ERCC4: variants seen among roughly 807,000 people sequenced by gnomAD.
ERCC4 encodes DNA repair endonuclease XPF.
A neutral mutation model predicts 76.9 loss-of-function variants in ERCC4; 65 were observed. The observed-to-expected ratio is 0.84, with a 90% CI of 0.69 to 1.04. The LOEUF (loss-of-function observed/expected upper bound fraction) is 1.04. Among genes scored for constraint, ERCC4 ranks in the 50% least tolerant of loss-of-function variants. The pLI is 0.00. For missense variants in ERCC4, 1,214 were observed against 1,128.2 expected (o/e 1.08, Z -1.09); for synonymous variants, 463 against 410.1 (o/e 1.13, Z -1.56).
intron 9 of ERCC4, among the ~76,000 whole-genome samples, chr16:13,939,796 A>G (rs1447798337): frequency 6.6e-6 from 1 of 152,166 alleles, no homozygotes; most frequent in Non-Finnish European, 1.5e-5. Context: ...GGAGGAAAGA[A>G]GACAGATTTG....
At chr16:13,925,925 G>C (rs2032063812) in intron 2 of ERCC4, among the ~76,000 whole-genome samples, 1 of 152,092 alleles carries the variant, frequency 6.6e-6, no homozygotes, top group African/African-American at 2.4e-5. Context: ...ATGCTGAGGT[G>C]TTATAATCAT....
intron 8 of ERCC4, among the ~76,000 whole-genome samples, 155 bp downstream of exon 8, chr16:13,935,898 G>A (rs2032282472): frequency 6.6e-6 from 1 of 152,142 alleles, no homozygotes; most frequent in Non-Finnish European, 1.5e-5. Flanking sequence ...CTGGGAAGTT[G>A]GATAGGAAGG....
rs1455912752 is a variant in ERCC4 at position 13,948,800 on chromosome 16, T to C, written c.*453T>C. On this transcript the variant is annotated 3_prime_UTR_variant, in exon 11 of 11. Transcript: ENST00000311895. ...CATAAATAACAGTCTTAATTGCACTTATACCCATGTCCTGTGGCTCTCCAA... is the reference window on the plus strand; with the variant it reads ...CATAAATAACAGTCTTAATTGCACTCATACCCATGTCCTGTGGCTCTCCAA... The C allele has an allele frequency of 1.3e-5, 3 of 233,420 alleles. No individual in the cohort carries two copies. In the East Asian group the frequency reaches 1.8e-4, roughly 14 times the overall value. 14.5% of individuals were successfully genotyped at this position (233,420 alleles called of 1,614,324 possible).
rs2020959 is a variant in ERCC4 at position 13,947,765 on chromosome 16, C to A, written c.2169C>A (p.Cys723Ter). ...ATTACATCCTCACTCCAGAAATGTG[C>A]GTGGAGCGCAAGAGTATCAGTGATT... ...VGDYILTPEM[C>*]VERKSISDLI... is the part of the protein sequence containing the mutation. The change falls in exon 11 of 11, where the codon TGC (cysteine) becomes TGA (stop). Residue 723 changes from cysteine (C) to a stop codon, truncating the protein, a stop_gained. Coordinates refer to ENST00000311895, the MANE Select transcript of ERCC4 (RefSeq NM_005236.3). LOFTEE classifies it high-confidence loss of function. 3.1e-6 allele frequency: 5 copies of A among 1,614,102 alleles called. No individual in the cohort carries two copies. In the East Asian group the frequency reaches 1.1e-4, roughly 36 times the overall value.
At chr16:13,923,434 C>T (rs2032015899) in intron 2 of ERCC4, among the ~76,000 whole-genome samples, 2 of 152,134 alleles carry the variant, frequency 1.3e-5, no homozygotes, top group Admixed American at 1.3e-4. Context: ...CTTATTCCCA[C>T]TGTATCTGTC....
chr16:13,926,812 A>C, intron 3 of ERCC4, 56 bp downstream of exon 3: 2 of 1,354,438 alleles, frequency 1.5e-6, no homozygotes, highest in Non-Finnish European at 2.1e-6. Flanking sequence ...TTTGTTTGTG[A>C]GATCTACTGT....
At position 13,952,237 on chromosome 16, in the gene ERCC4, T is replaced by C; in HGVS notation, c.*3890T>C. 5.3e-6 allele frequency: 1 copy of C among 187,620 alleles called. No homozygotes were observed. 11.6% of individuals were successfully genotyped at this position (187,620 alleles called of 1,614,324 possible). A position where few individuals can be genotyped will look rare whatever the true frequency, so the allele number is the denominator to read the frequency against. ...TGGGCAAAGTAAAAATAACAATGCA[T>C]AGTGAAAGGGCATATATTACCAGCA... On this transcript the variant is annotated 3_prime_UTR_variant, in exon 11 of 11. Transcript: ENST00000311895.
chr16:13,934,715 C>T, intron 7 of ERCC4: 1 of 235,358 alleles, frequency 4.2e-6, no homozygotes, highest in Non-Finnish European at 8.3e-6. Flanking sequence ...AAAAAAGCCT[C>T]AACTCTTCTA....
intron 9 of ERCC4, among the ~76,000 whole-genome samples, chr16:13,940,166 C>T (rs2032385337): frequency 6.6e-6 from 1 of 152,106 alleles, no homozygotes; most frequent in South Asian, 2.1e-4. Context: ...GCGGGCAGAT[C>T]ACTTGAAGTC....
rs892848411 is a variant in ERCC4, at chr16:13,948,540, G to T, written c.*193G>T. The T allele has an allele frequency of 7.7e-6, 5 of 645,866 alleles. No individual in the cohort carries two copies. Among genetic ancestry groups the T allele is most frequent in the African/African-American group, 7.3e-5 (4 of 54,708 alleles). 40.0% of individuals were successfully genotyped at this position (645,866 alleles called of 1,614,324 possible). ...GCATCACTTGAACTTGCCTGTGCCT[G>T]CTCTTTTTCCTCCCTGCACCGTCTA... On this transcript the variant is annotated 3_prime_UTR_variant, in exon 11 of 11. Coordinates refer to ENST00000311895, the MANE Select transcript of ERCC4 (RefSeq NM_005236.3).
chr16:13,926,592 C>T lies in ERCC4; in HGVS notation c.420C>T (p.Ile140=), dbSNP rs138724289. The change falls in exon 3 of 11, where the codon ATC becomes ATT. Residue 140 remains isoleucine, a synonymous_variant. Transcript: ENST00000311895. The part of the protein sequence containing the change: ...GILVYRAHRI[I]ESCQEAFILR... ...TGGTGTATAGAGCCCACAGAATAAT[C>T]GAGTCTTGTCAAGAAGCATTCATCT... is the stretch of plus-strand genomic sequence containing the variant. 6.2e-7 allele frequency: 1 copy of T among 1,614,056 alleles called. No individual in the cohort carries two copies.
intron 5 of ERCC4, chr16:13,931,508 A>G (rs2032171420): frequency 6.4e-6 from 1 of 156,600 alleles, no homozygotes; most frequent in East Asian, 1.9e-4. Context: ...ACTGAATGCC[A>G]GTACACTTTC....
chr16:13,921,508 T>TA (rs2031976090), intron 1 of ERCC4, among the ~76,000 whole-genome samples: 1 of 152,138 alleles, frequency 6.6e-6, no homozygotes, highest in Admixed American at 6.5e-5. Context: ...GTGCTTGGCA[T>TA]AGGGCCTAAG....
intron 9 of ERCC4, among the ~76,000 whole-genome samples, chr16:13,939,019 A>G (rs3136172): frequency 0.25 from 37,846 of 152,056 alleles, 4,966 homozygotes; most frequent in Middle Eastern, 0.34. Flanking sequence ...TCATACAAGT[A>G]TTGCTCAGTC....
At chr16:13,933,094 G>T (rs3136130) in intron 6 of ERCC4, 122,113 of 377,386 alleles carry the variant, frequency 0.32, 21,664 homozygotes, top group African/African-American at 0.51. Flanking sequence ...GTAGCCTGGC[G>T]AGGTGATGTG....
At position 13,920,378 on chromosome 16, in the gene ERCC4, G is replaced by A; in HGVS notation, c.207+6G>A. 6.4e-7 allele frequency: 1 copy of A among 1,561,510 alleles called. No homozygotes were observed. On this transcript the variant is annotated splice_donor_region_variant and intron_variant, in intron 1 of 10. Transcript: ENST00000311895. ...ACACGCAGCCGGCCGAGGAGGTGCG[G>A]CCGCGCTGGCGCGGGAGTGAGGGGA...
At position 13,935,576 on chromosome 16, in the gene ERCC4, A is replaced by G. The variant is rs1431588504; in HGVS notation, c.1644A>G (p.Lys548=). The part of the protein sequence containing the change: ...LSSDAAFGIL[K]EPLTIIHPLL... ...CGGATGCTGCTTTCGGAATCCTGAA[A>G]GAACCCCTCACTATCATCCATCCGC... Residue 548 remains lysine (K), a synonymous_variant, in exon 8 of 11, where the codon AAA becomes AAG. Coordinates refer to ENST00000311895, the MANE Select transcript of ERCC4 (RefSeq NM_005236.3). 1 of 1,614,218 alleles carries G rather than the reference A, an allele frequency of 6.2e-7. No homozygotes were observed. Among genetic ancestry groups the G allele is most frequent in the Admixed American group, 1.7e-5 (1 of 60,026 alleles).
chr16:13,935,100 A>T (rs2032256277), intron 7 of ERCC4, 46 bp from the exon 8 acceptor site: 8 of 1,399,704 alleles, frequency 5.7e-6, no homozygotes, highest in Non-Finnish European at 8.1e-6. Context: ...GGAAACTAGG[A>T]GGACAAGTGA....
intron 2 of ERCC4, 140 bp downstream of exon 2, chr16:13,922,351 G>T: frequency 1.3e-6 from 1 of 775,122 alleles, no homozygotes; most frequent in Non-Finnish European, 2.3e-6. Flanking sequence ...CTTTGGTAGG[G>T]GTCGTGGGGC....
Sources: allele counts gnomAD v4.1 joint callset (sites outside exome capture counted in the v4.1 genomes callset), GRCh38; gene constraint gnomAD v4.1.1; transcripts MANE v1.5; gene names NCBI Gene and HGNC (gene_info 2026-07-23, HGNC 2026-07-21).